ROBO2: variants seen among roughly 807,000 people sequenced by gnomAD.
ROBO2 encodes roundabout guidance receptor 2.
A neutral mutation model predicts 160.8 loss-of-function variants in ROBO2; 53 were observed. The observed-to-expected ratio is 0.33, with a 90% CI of 0.26 to 0.41. The LOEUF (loss-of-function observed/expected upper bound fraction) is 0.41. Ranked by LOEUF, ROBO2 falls within the 10% of genes least tolerant of loss-of-function variation. The probability of loss-of-function intolerance (pLI) is 1.00; values close to 1 mark genes in which losing one functional copy is unlikely to be tolerated. For synonymous variants in ROBO2, 664 were observed against 611.7 expected, an observed-to-expected ratio of 1.09 and a Z score of -1.26; for missense variants, 1,577 against 1,722.4, an observed-to-expected ratio of 0.92 and a Z score of 1.49.
intron 2 of ROBO2, among the ~76,000 whole-genome samples, chr3:76,666,256 G>T (rs1030009069): frequency 2.6e-5 from 4 of 151,668 alleles, no homozygotes; most frequent in Non-Finnish European, 5.9e-5. Flanking sequence ...TAACAGCTAC[G>T]ATTTTTCAGC....
intron 2 of ROBO2, among the ~76,000 whole-genome samples, chr3:76,471,229 A>C (rs556222430): frequency 1.3e-5 from 2 of 152,270 alleles, no homozygotes; most frequent in South Asian, 4.1e-4. Flanking sequence ...GGCAGGTAAC[A>C]GGGCAAGAAA....
chr3:76,252,684 A>G (rs1382550413), intron 2 of ROBO2, among the ~76,000 whole-genome samples: 1 of 152,080 alleles, frequency 6.6e-6, no homozygotes, highest in Admixed American at 6.6e-5. Context: ...ATATATACAC[A>G]AATACCTATA....
At chr3:77,379,449 T>C (rs2073147705) in intron 2 of ROBO2, among the ~76,000 whole-genome samples, 1 of 151,858 alleles carries the variant, frequency 6.6e-6, no homozygotes, top group South Asian at 2.1e-4. Context: ...GGTTGCCTGA[T>C]TAAAAAAAAA....
chr3:76,873,609 A>G (rs1305874905), intron 2 of ROBO2, among the ~76,000 whole-genome samples: 1 of 152,110 alleles, frequency 6.6e-6, no homozygotes, highest in African/African-American at 2.4e-5. Context: ...TCGTAGTAGT[A>G]GTATGAAATG....
chr3:77,409,441 T>G (rs1416662136), intron 2 of ROBO2, among the ~76,000 whole-genome samples: 4 of 152,138 alleles, frequency 2.6e-5, no homozygotes, highest in Non-Finnish European at 5.9e-5. Context: ...GTTGATTCTT[T>G]AAAAATAGAA....
chr3:77,361,136 T>C (rs1372570752), intron 2 of ROBO2, among the ~76,000 whole-genome samples: 1 of 152,174 alleles, frequency 6.6e-6, no homozygotes, highest in Non-Finnish European at 1.5e-5. Context: ...TAAAATACCT[T>C]TTTAAAGTAA....
chr3:77,066,116 A>G (rs909427261), intron 1 of ROBO2, among the ~76,000 whole-genome samples: 3 of 152,044 alleles, frequency 2.0e-5, no homozygotes, highest in Non-Finnish European at 2.9e-5. Context: ...CAATTTGGTG[A>G]TCGATAACAG....
At chr3:77,212,445 A>T (rs564688463) in intron 2 of ROBO2, among the ~76,000 whole-genome samples, 12 of 152,252 alleles carry the variant, frequency 7.9e-5, no homozygotes, top group Admixed American at 7.9e-4. Context: ...GACTTTGCTG[A>T]AGTTGCCTAC....
At position 76,551,889 on chromosome 3, in the gene ROBO2, A is replaced by G. The variant is rs531872343; in HGVS notation, c.110-546125A>G. 3.3e-5 allele frequency among the ~76,000 whole-genome samples: 5 copies of G among 152,160 alleles called. No individual in the cohort carries two copies. The East Asian group carries it at 7.8e-4, about 24-fold the overall frequency. On this transcript the variant is annotated intron_variant, in intron 2 of 26. Coordinates refer to the ROBO2 transcript ENST00000487694. ...GGACCCCGTGCTTGCTCACCCACAC[A>G]TCCCTCACTGCTCCATGAATGGCTC...
chr3:76,779,689 T>C (rs1344690213), intron 2 of ROBO2, among the ~76,000 whole-genome samples: 1 of 151,046 alleles, frequency 6.6e-6, no homozygotes, highest in Non-Finnish European at 1.5e-5. Context: ...AAAATTTCTC[T>C]TTTTTAAGGC....
intron 2 of ROBO2, among the ~76,000 whole-genome samples, chr3:77,443,112 C>T (rs2080119677): frequency 6.6e-6 from 1 of 152,172 alleles, no homozygotes; most frequent in Non-Finnish European, 1.5e-5. Context: ...ACTAGGATTT[C>T]ATTGGATACA....
At chr3:76,770,927 T>A (rs998257129) in intron 2 of ROBO2, among the ~76,000 whole-genome samples, 2 of 151,286 alleles carry the variant, frequency 1.3e-5, no homozygotes, top group Non-Finnish European at 3.0e-5. Context: ...AGACCTACTT[T>A]CTCACCCTTG....
At chr3:77,562,808 G>T (rs2093364838) in intron 10 of ROBO2, 76 bp downstream of exon 11, 1 of 1,034,904 alleles carries the variant, frequency 9.7e-7, no homozygotes, top group Non-Finnish European at 1.5e-6. Flanking sequence ...AGTTAAGGGG[G>T]GATCAAAGTG....
intron 2 of ROBO2, among the ~76,000 whole-genome samples, chr3:76,085,849 A>G (rs1428729553): frequency 1.3e-5 from 2 of 152,192 alleles, no homozygotes; most frequent in South Asian, 2.1e-4. Context: ...ACTTTTGTGC[A>G]TTTGAGCTCT....
At position 76,005,528 on chromosome 3, in the gene ROBO2, A is replaced by G. The variant is rs138304477; in HGVS notation, c.109+67926A>G. 5.4e-3 allele frequency among the ~76,000 whole-genome samples: 819 copies of G among 152,332 alleles called. 10 individuals carry two copies. Among genetic ancestry groups the G allele is most frequent in the African/African-American group, 0.019 (794 of 41,578 alleles). On this transcript the variant is annotated intron_variant, in intron 2 of 26. Transcript: ENST00000487694. The stretch of plus-strand genomic sequence containing the variant: ...TATAAAATGAATGTGCCAATAAACC[A>G]TAACAAAATAAATTGGGAGAGCTTA...
chr3:77,554,862 C>A (rs2093053583), intron 8 of ROBO2, among the ~76,000 whole-genome samples: 1 of 151,954 alleles, frequency 6.6e-6, no homozygotes, highest in African/African-American at 2.4e-5. Flanking sequence ...ATTGATAAAG[C>A]AACATCAGAG....
chr3:77,292,230 C>A (rs1221043986), intron 2 of ROBO2, among the ~76,000 whole-genome samples: 2 of 150,870 alleles, frequency 1.3e-5, no homozygotes, highest in African/African-American at 4.9e-5. Flanking sequence ...GGCTAGATCA[C>A]CCCAGATGTA....
At chr3:76,867,911 T>C (rs1559624702) in intron 2 of ROBO2, among the ~76,000 whole-genome samples, 1 of 152,198 alleles carries the variant, frequency 6.6e-6, no homozygotes, top group Non-Finnish European at 1.5e-5. Flanking sequence ...ATATCAGGTA[T>C]GCATTTCATG....
chr3:76,455,808 T>G (rs569906871), intron 2 of ROBO2, among the ~76,000 whole-genome samples: 9 of 152,178 alleles, frequency 5.9e-5, no homozygotes, highest in Non-Finnish European at 1.2e-4. Flanking sequence ...CGTTGACTCA[T>G]CAATTCATTA....
Sources: gnomAD v4.1 joint callset for allele counts (sites outside exome capture counted in the v4.1 genomes callset) on GRCh38, gnomAD v4.1.1 for gene constraint, MANE v1.5 for transcripts, NCBI Gene and HGNC (gene_info 2026-07-23, HGNC 2026-07-21) for gene names.